Variants in MAPK9 observed in about 807,000 individuals in gnomAD.
MAPK9 encodes the protein Jun kinase.
Under a neutral mutation model 57.1 loss-of-function variants are expected in MAPK9, and 30 were observed. That is an observed-to-expected ratio of 0.53 (90% CI 0.39 to 0.71). MAPK9 has a LOEUF of 0.71. Among genes scored for constraint, MAPK9 ranks in the 30% least tolerant of loss-of-function variants. MAPK9 has a pLI of 0.00. For synonymous variants in MAPK9, 155 were observed against 177.0 expected (o/e 0.88, Z 0.99); for missense variants, 362 against 521.0 (o/e 0.69, Z 2.97).
At chr5:180,278,318 T>G (rs1422581855) in intron 2 of MAPK9, among the ~76,000 whole-genome samples, 2 of 152,242 alleles carry the variant, frequency 1.3e-5, no homozygotes, top group African/African-American at 4.8e-5. Flanking sequence ...CTCATGGTGA[T>G]TCTACAATAT....
At position 180,247,357 on chromosome 5, in the gene MAPK9, G is replaced by A. The variant is rs34862489; in HGVS notation, c.688+82C>T. ...GAGTGGATTTTACGACTTTGTCCTCGTGAGCGCTCGTGTAAGCAGGTGGTC... is the reference window on the plus strand; with the variant it reads ...GAGTGGATTTTACGACTTTGTCCTCATGAGCGCTCGTGTAAGCAGGTGGTC... On this transcript the variant is annotated intron_variant, in intron 7 of 11. Coordinates refer to ENST00000452135, the MANE Select transcript of MAPK9 (RefSeq NM_002752.5). The surrounding 1 kb of genome is among the most constrained non-coding windows in gnomAD (Gnocchi z 4.5). 7.7e-3 allele frequency: 11,865 copies of A among 1,534,914 alleles called. 105 individuals are homozygous for A. The highest frequency in any genetic ancestry group is 0.037 in the Admixed American group (2,231 of 59,578).
Position 180,239,512 on chromosome 5 carries a change from G to C in MAPK9, c.1060+412C>G, listed in dbSNP as rs1049253372. Among the ~76,000 whole-genome samples, 2 of 152,104 alleles carry C rather than the reference G, an allele frequency of 1.3e-5. 1 individual carries two copies. Among genetic ancestry groups the C allele is most frequent in the Admixed American group, 1.3e-4 (2 of 15,270 alleles). ...TCATTACAGGTATAGTTTGTTGTGGGTTGTTTGGTTAATCTTATAGTGGTA... is the reference window on the plus strand; with the variant it reads ...TCATTACAGGTATAGTTTGTTGTGGCTTGTTTGGTTAATCTTATAGTGGTA... On this transcript the variant is annotated intron_variant, in intron 10 of 11. Coordinates refer to ENST00000452135, the MANE Select transcript of MAPK9 (RefSeq NM_002752.5).
At chr5:180,283,283 C>G (rs1762471051) in intron 1 of MAPK9, among the ~76,000 whole-genome samples, 1 of 152,212 alleles carries the variant, frequency 6.6e-6, no homozygotes, top group Admixed American at 6.5e-5. Context: ...TATGCAACTT[C>G]CAGATCACTT....
chr5:180,238,282 T>C (rs752301444), intron 11 of MAPK9, 50 bp downstream of exon 11: 7 of 1,472,338 alleles, frequency 4.8e-6, no homozygotes, highest in South Asian at 1.2e-5. Context: ...AAAAAAAAAG[T>C]TGAATAGGGA....
chr5:180,238,301 T>A (rs780741276), intron 11 of MAPK9, 31 bp downstream of exon 11: 2 of 1,558,204 alleles, frequency 1.3e-6, no homozygotes, highest in Admixed American at 3.6e-5. Flanking sequence ...GAAAGAAAAA[T>A]ATCATACAAT....
chr5:180,246,476 T>A (rs993197906), intron 7 of MAPK9: 1 of 152,204 alleles, frequency 6.6e-6, no homozygotes, highest in Admixed American at 6.5e-5. Flanking sequence ...AATCTGAAAT[T>A]ATTTTCCTAA....
Position 180,239,968 on chromosome 5 carries a change from T to A in MAPK9, c.1016A>T (p.Asp339Val). Residue 339 changes from aspartate (D) to valine (V), a missense_variant, in exon 10 of 12, where the codon GAT (aspartate) becomes GTT (valine). Coordinates refer to ENST00000452135, the MANE Select transcript of MAPK9 (RefSeq NM_002752.5). ...EAEAPPPQIY[D>V]AQLEEREHAI... ...ATGTTCTCTTTCTTCCAACTGGGCA[T>A]CATAAATTTGAGGTGGTGGCTAAAA... is the stretch of plus-strand genomic sequence containing the variant. 6.2e-7 allele frequency: 1 copy of A among 1,613,588 alleles called. No individual in the cohort carries two copies. Among genetic ancestry groups the A allele is most frequent in the Non-Finnish European group, 8.5e-7 (1 of 1,179,888 alleles).
At chr5:180,240,291 C>T (rs536053360) in intron 9 of MAPK9, among the ~76,000 whole-genome samples, 1 of 152,330 alleles carries the variant, frequency 6.6e-6, no homozygotes, top group East Asian at 1.9e-4. Flanking sequence ...CCCAGAGACC[C>T]ATTATGGACA....
intron 7 of MAPK9, among the ~76,000 whole-genome samples, chr5:180,243,730 A>G (rs1757837981): frequency 6.6e-6 from 1 of 152,250 alleles, no homozygotes. Flanking sequence ...TCAATTCACT[A>G]GCAAATTCTC....
chr5:180,241,898 A>C (rs1757697356), intron 8 of MAPK9, among the ~76,000 whole-genome samples: 1 of 152,242 alleles, frequency 6.6e-6, no homozygotes, highest in Non-Finnish European at 1.5e-5. Flanking sequence ...CAGACTTTTC[A>C]AACCACACAA....
At chr5:180,282,384 A>G (rs933757146) in intron 1 of MAPK9, among the ~76,000 whole-genome samples, 5 of 152,162 alleles carry the variant, frequency 3.3e-5, no homozygotes, top group African/African-American at 9.7e-5. Flanking sequence ...GTACTTCACT[A>G]TTTGGGGGAG....
chr5:180,259,369 C>T lies in MAPK9; in HGVS notation c.450+2315G>A, dbSNP rs188295489. Among the ~76,000 whole-genome samples the T allele has an allele frequency of 6.4e-4, 98 of 152,026 alleles. 1 individual carries two copies. The highest frequency in any genetic ancestry group is 2.3e-3 in the African/African-American group (95 of 41,488). On this transcript the variant is annotated intron_variant, in intron 5 of 11. Coordinates refer to ENST00000452135, the MANE Select transcript of MAPK9 (RefSeq NM_002752.5). ...GAAAGAACTCACACTGGAGAGAAAC[C>T]CTTTGACCGTAAGGGATGTGGTCAA...
chr5:180,242,703 C>A lies in MAPK9; in HGVS notation c.741G>T (p.Glu247Asp), dbSNP rs1158858599. 2 of 1,614,110 alleles carry A rather than the reference C, an allele frequency of 1.2e-6. No individual in the cohort carries two copies. The highest frequency in any genetic ancestry group is 1.7e-6 in the Non-Finnish European group (2 of 1,180,000). ...CAGTTGGCTGAAGTTTCTTCATGAA[C>A]TCTGCTGATGGTGTTCCCAGCTGCT... ...VIEQLGTPSA[E>D]FMKKLQPTVR... Residue 247 changes from glutamate to aspartate, a missense_variant, in exon 8 of 12, where the codon GAG becomes GAT. By Grantham distance (45) the Glu-to-Asp change is conservative. Coordinates refer to ENST00000452135, the MANE Select transcript of MAPK9 (RefSeq NM_002752.5).
intron 5 of MAPK9, chr5:180,258,159 T>G (rs575491322): frequency 6.6e-6 from 1 of 152,228 alleles, no homozygotes; most frequent in Admixed American, 6.5e-5. Flanking sequence ...AGAAAGGTGG[T>G]AAAGCCTTGA....
intron 5 of MAPK9, among the ~76,000 whole-genome samples, chr5:180,261,085 G>T (rs1759904467): frequency 6.6e-6 from 1 of 152,194 alleles, no homozygotes; most frequent in Admixed American, 6.5e-5. Flanking sequence ...TGACAGTACA[G>T]TCACACTGTT....
rs575199786 is a variant in MAPK9, at chr5:180,248,203, C to A, written c.617-693G>T. Among the ~76,000 whole-genome samples the A allele has an allele frequency of 3.9e-5, 6 of 152,356 alleles. No individual in the cohort carries two copies. In the East Asian group the frequency reaches 1.2e-3, roughly 29 times the overall value. ...CGGTGCCCACCCTCATCTGTGGGGC[C>A]TCAGACAGACAGCAGAGGCCTCTAA... On this transcript the variant is annotated intron_variant, in intron 6 of 11. Coordinates refer to ENST00000452135, the MANE Select transcript of MAPK9 (RefSeq NM_002752.5).
At chr5:180,291,188 CG>C (rs1387379447) in intron 1 of MAPK9, among the ~76,000 whole-genome samples, 1 of 151,982 alleles carries the variant, frequency 6.6e-6, no homozygotes, top group Non-Finnish European at 1.5e-5. Flanking sequence ...ATGAGTGGGA[CG>C]GGGCAGCAGT....
chr5:180,252,848 CAG>C (rs1013832981), intron 5 of MAPK9, among the ~76,000 whole-genome samples: 10 of 150,702 alleles, frequency 6.6e-5, no homozygotes, highest in Non-Finnish European at 4.4e-5. Flanking sequence ...AAAGAGCCAG[CAG>C]AGAGACCACA....
intron 11 of MAPK9, chr5:180,237,902 G>A (rs936377751): frequency 6.5e-6 from 1 of 154,200 alleles, no homozygotes; most frequent in African/African-American, 2.4e-5. Context: ...ACTTTGGGAG[G>A]CTGAGGCGGG....
Sources: gnomAD v4.1 joint callset for allele counts (sites outside exome capture counted in the v4.1 genomes callset) on GRCh38, gnomAD v4.1.1 for gene constraint, Gnocchi (gnomAD v3.1) non-coding constraint, MANE v1.5 for transcripts, NCBI Gene and HGNC (gene_info 2026-07-23, HGNC 2026-07-21) for gene names.